The following ITSN2 variants were observed in gnomAD, a reference collection of about 807,000 sequenced individuals.
ITSN2 encodes intersectin-2.
A neutral mutation model predicts 243.7 loss-of-function variants in ITSN2; 156 were observed. That is an observed-to-expected ratio of 0.64 (90% CI 0.56 to 0.73). The LOEUF is 0.73. Ranked by LOEUF, ITSN2 falls within the 30% of genes least tolerant of loss-of-function variation. The pLI is 0.00. For missense variants in ITSN2, 1,801 were observed against 1,996.1 expected (o/e 0.90, Z 1.86); for synonymous variants, 703 against 699.9 (o/e 1.00, Z -0.07).
chr2:24,260,512 A>AT (rs1485617354), intron 22 of ITSN2, among the ~76,000 whole-genome samples: 1 of 152,066 alleles, frequency 6.6e-6, no homozygotes, highest in Non-Finnish European at 1.5e-5. Context: ...TCTTATTATA[A>AT]TAACTACAAA....
chr2:24,316,006 G>A (rs927005924), intron 2 of ITSN2, among the ~76,000 whole-genome samples: 2 of 152,174 alleles, frequency 1.3e-5, no homozygotes, highest in Non-Finnish European at 2.9e-5. Flanking sequence ...AACAGGAAAG[G>A]TAACACTGAG....
chr2:24,281,290 A>G (rs991299985), intron 17 of ITSN2, among the ~76,000 whole-genome samples: 2 of 152,206 alleles, frequency 1.3e-5, no homozygotes, highest in Non-Finnish European at 2.9e-5. Context: ...TCAGCCTCCC[A>G]AAGTGCAGGG....
At chr2:24,223,214 G>A (rs1006050807) in intron 29 of ITSN2, among the ~76,000 whole-genome samples, 6 of 152,330 alleles carry the variant, frequency 3.9e-5, no homozygotes, top group Middle Eastern at 3.4e-3. Context: ...CCAGCAGGGC[G>A]TGTTGCTCTT....
Position 24,282,765 on chromosome 2 carries a change from C to A in ITSN2, c.1944+1998G>T, listed in dbSNP as rs1031719514. 2.6e-5 allele frequency among the ~76,000 whole-genome samples: 4 copies of A among 152,196 alleles called. No homozygotes were observed. The South Asian group carries it at 8.3e-4, about 32-fold the overall frequency. ...CTGCCCTTCAAGGGGGACAAGGGAA[C>A]CTTTCCCGTTTTACTGTCAACTTCC... is the stretch of plus-strand genomic sequence containing the variant. On this transcript the variant is annotated intron_variant, in intron 17 of 39. Transcript: ENST00000355123.
chr2:24,253,021 C>T (rs1674552449), intron 24 of ITSN2, among the ~76,000 whole-genome samples: 2 of 152,084 alleles, frequency 1.3e-5, no homozygotes, highest in African/African-American at 4.8e-5. Context: ...TCCTGATGAC[C>T]CAGCTCCTAG....
chr2:24,246,774 T>C (rs1673424822), intron 28 of ITSN2, 23 bp downstream of exon 28: 2 of 1,419,032 alleles, frequency 1.4e-6, no homozygotes, highest in East Asian at 2.3e-5. Flanking sequence ...TAAAATGAAA[T>C]ACAAATTAAC....
intron 24 of ITSN2, among the ~76,000 whole-genome samples, chr2:24,253,864 A>C (rs1042061578): frequency 2.2e-4 from 34 of 152,352 alleles, no homozygotes; most frequent in African/African-American, 7.9e-4. Flanking sequence ...ATATCCTCTG[A>C]AATTAGGGTA....
At chr2:24,361,149 C>G (rs2702086), upstream of ITSN2, among the ~76,000 whole-genome samples, 148,885 of 152,242 alleles carry the variant, frequency 0.98, 72,798 homozygotes, top group East Asian at 0.99. Context: ...GAGGAGCACC[C>G]TCTACGCTAG....
At position 24,212,733 on chromosome 2, in the gene ITSN2, G is replaced by C; in HGVS notation, c.4006C>G (p.Pro1336Ala). Reference sequence around the variant, plus strand: ...GAGAGGGGCATTCCTTTACACCGCGGGTCAGATGCCAGCTTCTGCAAAACA... The same window carrying C: ...GAGAGGGGCATTCCTTTACACCGCGCGTCAGATGCCAGCTTCTGCAAAACA... ...KEFLKKLASDPRCKGMPLSSF... is the reference protein window; with the variant it reads ...KEFLKKLASDARCKGMPLSSF... Residue 1336 changes from proline (P) to alanine (A), a missense_variant, in exon 33 of 40, where the codon CCG becomes GCG. Pro to Ala is a conservative substitution (Grantham distance 27). Around this residue, in one of 5 missense-constraint regions of ITSN2, gnomAD observed 928 missense variants for 1,065.4 expected, o/e 0.87. Coordinates refer to ENST00000355123, the MANE Select transcript of ITSN2 (RefSeq NM_006277.3). 6.2e-7 allele frequency: 1 copy of C among 1,614,078 alleles called. No homozygotes were observed. The highest frequency in any genetic ancestry group is 8.5e-7 in the Non-Finnish European group (1 of 1,179,960).
intron 24 of ITSN2, among the ~76,000 whole-genome samples, chr2:24,252,737 T>C (rs1299102256): frequency 6.6e-6 from 1 of 152,176 alleles, no homozygotes; most frequent in African/African-American, 2.4e-5. Context: ...TTAGAGTTTC[T>C]TTTATTCCCA....
intron 39 of ITSN2, 53 bp from the exon 40 acceptor site, chr2:24,203,836 A>AAAG: frequency 6.5e-7 from 1 of 1,537,058 alleles, no homozygotes; most frequent in African/African-American, 1.4e-5. Flanking sequence ...TAAAATCATT[A>AAAG]AAGAGCTACA....
chr2:24,315,313 T>C (rs980395185), intron 2 of ITSN2, 89 bp from the exon 3 acceptor site: 10 of 708,314 alleles, frequency 1.4e-5, no homozygotes, highest in African/African-American at 7.1e-5. Context: ...CAAGTGTTCA[T>C]TGTATGACAG....
intron 2 of ITSN2, among the ~76,000 whole-genome samples, chr2:24,322,889 T>A (rs577796722): frequency 1.3e-5 from 2 of 150,244 alleles, no homozygotes; most frequent in South Asian, 4.2e-4. Context: ...ATCCCCCCCC[T>A]CAAAAAAAAG....
chr2:24,298,111 A>G (rs1681216100), intron 13 of ITSN2, among the ~76,000 whole-genome samples: 1 of 151,654 alleles, frequency 6.6e-6, no homozygotes, highest in Non-Finnish European at 1.5e-5. Context: ...CAGCCTCCCA[A>G]GTAGCTAGGA....
intron 2 of ITSN2, among the ~76,000 whole-genome samples, chr2:24,322,699 T>C: frequency 6.6e-6 from 1 of 152,124 alleles, no homozygotes; most frequent in East Asian, 1.9e-4. Flanking sequence ...AAGGCAAAAA[T>C]CATTAAAATA....
chr2:24,249,018 C>A lies in ITSN2; in HGVS notation c.3121-136G>T, dbSNP rs1673768462. On this transcript the variant is annotated intron_variant, in intron 25 of 39. Transcript: ENST00000355123. This position sits in a 1 kb window ranked among gnomAD's most constrained non-coding sequence, Gnocchi z 4.4. ...AAATGAAGATGAAAATGACAATGAA[C>A]CTCATGCAGTATTAACAAATAAGTG... 1.4e-5 allele frequency: 12 copies of A among 860,732 alleles called. No homozygotes were observed. In the South Asian group the frequency reaches 1.8e-4, roughly 13 times the overall value. 53.3% of individuals were successfully genotyped at this position (860,732 alleles called of 1,614,324 possible).
chr2:24,302,128 CT>C (rs1464129334), intron 9 of ITSN2, 26 bp from the exon 10 acceptor site: 3 of 1,561,348 alleles, frequency 1.9e-6, no homozygotes, highest in Non-Finnish European at 2.6e-6. Flanking sequence ...AAATTCACAA[CT>C]TAATAAAGTC....
chr2:24,263,948 A>G (rs1178855109), intron 20 of ITSN2, among the ~76,000 whole-genome samples: 1 of 152,210 alleles, frequency 6.6e-6, no homozygotes, highest in African/African-American at 2.4e-5. Flanking sequence ...TGGTAGGTAC[A>G]TGTTTTAACT....
intron 13 of ITSN2, among the ~76,000 whole-genome samples, chr2:24,298,253 G>A (rs1354256284): frequency 6.6e-6 from 1 of 152,162 alleles, no homozygotes; most frequent in African/African-American, 2.4e-5. Flanking sequence ...CGCCTCCCAG[G>A]TTCAAGCAAT....
Sources: allele counts gnomAD v4.1 joint callset (sites outside exome capture counted in the v4.1 genomes callset), GRCh38; gene constraint gnomAD v4.1.1; regional missense constraint gnomAD v4.1.1; non-coding constraint Gnocchi (gnomAD v3.1); transcripts MANE v1.5; gene names NCBI Gene and HGNC (gene_info 2026-07-23, HGNC 2026-07-21).